GCN1: variants seen among roughly 807,000 people sequenced by gnomAD.
The protein encoded by GCN1 is GCN1 activator of EIF2AK4.
GCN1 carries 90 observed loss-of-function variants against 288.4 expected under a neutral mutation model. The observed-to-expected ratio is 0.31, with a 90% confidence interval of 0.26 to 0.37. GCN1 has a LOEUF of 0.37. GCN1 is among the 10% of genes least tolerant of loss of function. GCN1 has a pLI of 1.00. For synonymous variants in GCN1, 1,386 were observed against 1,420.2 expected (o/e 0.98, Z 0.54); for missense variants, 2,586 against 3,419.9 (o/e 0.76, Z 6.08).
chr12:120,140,252 G>A (rs776117113), intron 45 of GCN1, among the ~76,000 whole-genome samples: 4 of 152,140 alleles, frequency 2.6e-5, no homozygotes, highest in Admixed American at 2.6e-4. Context: ...ATCCAAACAC[G>A]AAGGCAGTGC....
chr12:120,168,111 C>A, intron 16 of GCN1, 97 bp downstream of exon 16: 1 of 789,416 alleles, frequency 1.3e-6, no homozygotes, highest in Non-Finnish European at 2.3e-6. Flanking sequence ...CAGGTTTTTG[C>A]AGACCTGACT....
Position 120,134,044 on chromosome 12 carries a change from G to A in GCN1, c.7317+247C>T, listed in dbSNP as rs1876914972. 6.6e-6 allele frequency among the ~76,000 whole-genome samples: 1 copy of A among 152,182 alleles called. No individual in the cohort carries two copies. On this transcript the variant is annotated intron_variant, in intron 53 of 57. Transcript: ENST00000300648. This position sits in a 1 kb window ranked among gnomAD's most constrained non-coding sequence, Gnocchi z 5.0. ...ATTGTGCCACTTCACTCCGGCCTGG[G>A]TGACACAGCAAGACTCAGCCAAAAA...
Position 120,141,021 on chromosome 12 carries a change from A to G in GCN1, c.5832T>C (p.Ile1944=), listed in dbSNP as rs550250831. Residue 1944 remains isoleucine (I), a splice_region_variant and synonymous_variant, in exon 45 of 58, where the codon ATT becomes ATC. Coordinates refer to ENST00000300648, the MANE Select transcript of GCN1 (RefSeq NM_006836.2). ...CAAGATCTCCCAATGTTCTCGCTGCAATCTGTCAACAGAGACCAATCCAGG... is the reference window on the plus strand; with the variant it reads ...CAAGATCTCCCAATGTTCTCGCTGCGATCTGTCAACAGAGACCAATCCAGG... ...LASTCADKRT[I]AARTLGDLVR... The G allele has an allele frequency of 4.7e-5, 76 of 1,612,174 alleles. No individual in the cohort carries two copies. In the South Asian group the frequency reaches 7.8e-4, roughly 17 times the overall value.
chr12:120,189,046 G>C (rs968782407), intron 2 of GCN1, among the ~76,000 whole-genome samples: 2 of 152,134 alleles, frequency 1.3e-5, no homozygotes, highest in African/African-American at 4.8e-5. Context: ...GGCAGAAGTT[G>C]TGCAGGGAGG....
chr12:120,164,073 C>T (rs116532755), intron 18 of GCN1, among the ~76,000 whole-genome samples: 1,692 of 152,088 alleles, frequency 0.011, 20 homozygotes, highest in African/African-American at 0.038. Flanking sequence ...GTAGAGGTTG[C>T]AGTGAGCAAA....
Position 120,142,599 on chromosome 12 carries a change from A to G in GCN1, c.5737T>C (p.Ser1913Pro). The G allele has an allele frequency of 6.2e-7, 1 of 1,614,076 alleles. No homozygotes were observed. The highest frequency in any genetic ancestry group is 8.5e-7 in the Non-Finnish European group (1 of 1,180,022). ...TCACGCAAGGTGCGGGGGGTATTGG[A>G]GACAACAATCTTCCAGACATGCAGG... ...ASLHVWKIVV[S>P]NTPRTLREIL... Residue 1913 changes from serine (S) to proline (P), a missense_variant, in exon 44 of 58, where the codon TCC becomes CCC. Ser to Pro is a moderately conservative substitution (Grantham distance 74). Transcript: ENST00000300648. This position sits in a 1 kb window ranked among gnomAD's most constrained non-coding sequence, Gnocchi z 4.9.
At chr12:120,161,841 G>A (rs1432807870) in intron 21 of GCN1, 39 bp downstream of exon 21, 1 of 1,590,310 alleles carries the variant, frequency 6.3e-7, no homozygotes, top group Middle Eastern at 1.7e-4. Context: ...ACTATGCCTT[G>A]GGGAGCAAAG....
Position 120,158,631 on chromosome 12 carries a change from G to A in GCN1, c.2750-16C>T. The A allele has an allele frequency of 6.3e-7, 1 of 1,592,988 alleles. No individual in the cohort carries two copies. Among genetic ancestry groups the A allele is most frequent in the South Asian group, 1.1e-5 (1 of 87,162 alleles). ...ACCAAAGTGCCTGTGTTGAAGAGGA[G>A]AGACCCAGCAGGAGATGACACACAG... On this transcript the variant is annotated splice_polypyrimidine_tract_variant and intron_variant, in intron 24 of 57. Transcript: ENST00000300648. This position sits in a 1 kb window ranked among gnomAD's most constrained non-coding sequence, Gnocchi z 4.3.
intron 20 of GCN1, chr12:120,162,319 C>T (rs895813169): frequency 3.7e-5 from 19 of 508,882 alleles, no homozygotes; most frequent in Non-Finnish European, 7.1e-6. Flanking sequence ...GGTGGAGCTG[C>T]CCTCACTTTT....
In GCN1 at chr12:120,153,705, T is replaced by C; in HGVS notation, c.3867+39A>G. On this transcript the variant is annotated intron_variant, in intron 32 of 57. Coordinates refer to ENST00000300648, the MANE Select transcript of GCN1 (RefSeq NM_006836.2). This position sits in a 1 kb window ranked among gnomAD's most constrained non-coding sequence, Gnocchi z 4.4. Reference sequence around the variant, plus strand: ...TCTCCTTAGCGGGCTGGGACCCCCTTACCTTCCCGTGGGTGTTCCCTGGCT... The same window carrying C: ...TCTCCTTAGCGGGCTGGGACCCCCTCACCTTCCCGTGGGTGTTCCCTGGCT... 6 of 1,598,542 alleles carry C rather than the reference T, an allele frequency of 3.8e-6. 1 individual carries two copies. In the South Asian group the frequency reaches 5.6e-5, roughly 15 times the overall value.
chr12:120,149,615 T>G lies in GCN1; in HGVS notation c.4537A>C (p.Thr1513Pro), dbSNP rs1484237587. 6.2e-7 allele frequency: 1 copy of G among 1,611,736 alleles called. No individual in the cohort carries two copies. The highest frequency in any genetic ancestry group is 8.5e-7 in the Non-Finnish European group (1 of 1,178,278). Residue 1513 changes from threonine (T) to proline (P), a missense_variant, in exon 36 of 58, where the codon ACC (threonine) becomes CCC (proline). By Grantham distance (38) the Thr-to-Pro change is conservative (BLOSUM62 -1). Coordinates refer to ENST00000300648, the MANE Select transcript of GCN1 (RefSeq NM_006836.2). The part of the protein sequence containing the change: ...LAALEEESWR[T>P]KAGSVELLGA... ...GAGCGAGTGGTCTTACCAGCTTTGG[T>G]CCGCCACGATTCCTCCTCCAGGGCA...
At chr12:120,138,995 T>A in intron 45 of GCN1, 139 bp from the exon 46 acceptor site, 1 of 668,746 alleles carries the variant, frequency 1.5e-6, no homozygotes, top group Non-Finnish European at 2.5e-6. Context: ...TTAACTTAAC[T>A]CTTTACTGTG....
chr12:120,144,743 G>GTA lies in GCN1; in HGVS notation c.5247_5248insTA (p.Pro1750TyrfsTer10). On this transcript the variant is annotated frameshift_variant, in exon 41 of 58. Coordinates refer to ENST00000300648, the MANE Select transcript of GCN1 (RefSeq NM_006836.2). LOFTEE classifies it high-confidence loss of function. The surrounding 1 kb of genome is among the most constrained non-coding windows in gnomAD (Gnocchi z 4.7). ...ATAATGTAGCCATCTCGGACATGGG[G>GTA]TGCAATGTCCACTTTGCTGGCTGTA... 6.2e-7 allele frequency: 1 copy of GTA among 1,612,832 alleles called. No homozygotes were observed.
intron 1 of GCN1, among the ~76,000 whole-genome samples, chr12:120,192,657 G>A (rs192180030): frequency 2.6e-5 from 4 of 151,990 alleles, no homozygotes; most frequent in African/African-American, 7.2e-5. Context: ...GCTTGAACCC[G>A]GGAGGCAGAG....
At chr12:120,174,000 A>G in intron 13 of GCN1, 71 bp downstream of exon 13, 1 of 1,088,878 alleles carries the variant, frequency 9.2e-7, no homozygotes, top group East Asian at 2.4e-5. Context: ...ATGGAAGGAA[A>G]GCTCCAACTG....
intron 14 of GCN1, among the ~76,000 whole-genome samples, chr12:120,171,642 A>G (rs1460296034): frequency 6.6e-6 from 1 of 152,152 alleles, no homozygotes; most frequent in Non-Finnish European, 1.5e-5. Context: ...ACAGAGGTTT[A>G]TTTTCGTTTT....
Position 120,138,259 on chromosome 12 carries a change from C to A in GCN1, c.6249+64G>T, listed in dbSNP as rs937655127. 29 of 1,112,390 alleles carry A rather than the reference C, an allele frequency of 2.6e-5. No individual in the cohort carries two copies. In the African/African-American group the frequency reaches 3.8e-4, roughly 15 times the overall value. 68.9% of individuals were successfully genotyped at this position (1,112,390 alleles called of 1,614,324 possible). On this transcript the variant is annotated intron_variant, in intron 47 of 57. Coordinates refer to ENST00000300648, the MANE Select transcript of GCN1 (RefSeq NM_006836.2). ...CATCTACGTTCAGAACTGGTCTTCA[C>A]TGCAGGCCCTGGAAATGTCAATGCC...
At position 120,153,831 on chromosome 12, in the gene GCN1, A is replaced by T. The variant is rs777271401; in HGVS notation, c.3780T>A (p.Phe1260Leu). ...SSQVKPLFQF[F>L]VPDALNDRHP... is the part of the protein sequence containing the mutation. ...GTCGGTCATTGAGGGCATCAGGGAC[A>T]AAAAACTGAAAGAGTGGCTTCACCT... Residue 1260 changes from phenylalanine to leucine, a missense_variant, in exon 32 of 58, where the codon TTT becomes TTA. Phe to Leu is a conservative substitution (Grantham distance 22). Around this residue, in one of 8 missense-constraint regions of GCN1, gnomAD observed 332 missense variants for 403.0 expected, o/e 0.82. Coordinates refer to ENST00000300648, the MANE Select transcript of GCN1 (RefSeq NM_006836.2). The surrounding 1 kb of genome is among the most constrained non-coding windows in gnomAD (Gnocchi z 4.4). 5.6e-6 allele frequency: 9 copies of T among 1,614,122 alleles called. No homozygotes were observed. The highest frequency in any genetic ancestry group is 4.2e-6 in the Non-Finnish European group (5 of 1,179,940).
At position 120,155,476 on chromosome 12, in the gene GCN1, C is replaced by T. The variant is rs1026040122; in HGVS notation, c.3441-46G>A. On this transcript the variant is annotated intron_variant, in intron 29 of 57. Coordinates refer to ENST00000300648, the MANE Select transcript of GCN1 (RefSeq NM_006836.2). The surrounding 1 kb of genome is among the most constrained non-coding windows in gnomAD (Gnocchi z 4.9). ...GGGCTGCTTAGACAAAGATCTGCAG[C>T]ACTTGCCCTGCCAGCCCAGCCCTTC... 5 of 1,603,702 alleles carry T rather than the reference C, an allele frequency of 3.1e-6. No individual in the cohort carries two copies. The highest frequency in any genetic ancestry group is 3.3e-4 in the Middle Eastern group (2 of 6,056).
Sources: gnomAD v4.1 joint callset for allele counts (sites outside exome capture counted in the v4.1 genomes callset) on GRCh38, gnomAD v4.1.1 for gene constraint, gnomAD v4.1.1 regional missense constraint, Gnocchi (gnomAD v3.1) non-coding constraint, MANE v1.5 for transcripts, NCBI Gene and HGNC (gene_info 2026-07-23, HGNC 2026-07-21) for gene names.